Variants in PRKRA observed in about 807,000 individuals in gnomAD.
The protein encoded by PRKRA is interferon-inducible double-stranded RNA-dependent protein kinase activator A.
In PRKRA, 22 loss-of-function variants were observed where a neutral mutation model predicts 32.4. The ratio of observed to expected loss-of-function variants is 0.68; its 90% CI spans 0.49 to 0.97. PRKRA has a LOEUF of 0.97. Among genes scored for constraint, PRKRA ranks in the 50% least tolerant of loss-of-function variants. PRKRA has a pLI of 0.00. For synonymous variants in PRKRA, 139 were observed against 129.8 expected, an observed-to-expected ratio of 1.07 and a Z score of -0.48; for missense variants, 319 against 375.6, an observed-to-expected ratio of 0.85 and a Z score of 1.25.
At chr2:178,441,467 A>C in intron 6 of PRKRA, 143 bp downstream of exon 6, 1 of 699,822 alleles carries the variant, frequency 1.4e-6, no homozygotes, top group Non-Finnish European at 2.4e-6. Flanking sequence ...AGCAGCTAAA[A>C]ATGGGGTAGG....
intron 6 of PRKRA, among the ~76,000 whole-genome samples, chr2:178,438,488 C>T (rs1414654792): frequency 1.3e-5 from 2 of 152,128 alleles, no homozygotes; most frequent in African/African-American, 4.8e-5. Context: ...ATTCTCTATT[C>T]GCTCCTCTGA....
chr2:178,434,314 T>C (rs753984474), intron 7 of PRKRA, among the ~76,000 whole-genome samples: 1 of 152,104 alleles, frequency 6.6e-6, no homozygotes, highest in Non-Finnish European at 1.5e-5. Context: ...TTTCACCGTG[T>C]TGGTCAGGCT....
chr2:178,444,545 G>T, intron 3 of PRKRA, 45 bp from the exon 4 acceptor site: 1 of 892,096 alleles, frequency 1.1e-6, no homozygotes, highest in South Asian at 1.6e-5. Context: ...AATTTCCCCC[G>T]AATTATGAAA....
intron 2 of PRKRA, among the ~76,000 whole-genome samples, chr2:178,448,070 A>G (rs537819664): frequency 3.9e-4 from 59 of 152,330 alleles, no homozygotes; most frequent in African/African-American, 1.3e-3. Flanking sequence ...CCTGTCCTAT[A>G]ACGTATCAAA....
chr2:178,438,492 CCT>C (rs951652767), intron 6 of PRKRA, among the ~76,000 whole-genome samples: 3 of 152,156 alleles, frequency 2.0e-5, no homozygotes, highest in African/African-American at 4.8e-5. Flanking sequence ...TCTATTCGCT[CCT>C]CTGACTATTC....
chr2:178,433,379 T>C (rs1376198584), intron 7 of PRKRA: 1 of 152,218 alleles, frequency 6.6e-6, no homozygotes, highest in Admixed American at 6.5e-5. Flanking sequence ...TTTATACTCC[T>C]AGGAGTGGAG....
chr2:178,450,700 A>T (rs1697565526), intron 1 of PRKRA: 1 of 1,407,258 alleles, frequency 7.1e-7, no homozygotes, highest in African/African-American at 1.4e-5. Flanking sequence ...CCTCTCAGGG[A>T]AAACCTGACG....
chr2:178,441,059 T>C (rs1697094316), intron 6 of PRKRA, among the ~76,000 whole-genome samples: 1 of 152,216 alleles, frequency 6.6e-6, no homozygotes, highest in South Asian at 2.1e-4. Context: ...TTTTCCCCCA[T>C]TCTACAGGTC....
chr2:178,439,859 G>A (rs1697046790), intron 6 of PRKRA: 1 of 152,002 alleles, frequency 6.6e-6, no homozygotes, highest in Non-Finnish European at 1.5e-5. Flanking sequence ...TATTAACCTT[G>A]AAATAGTCTT....
chr2:178,450,636 T>TATTCAA, intron 1 of PRKRA: 1 of 1,447,752 alleles, frequency 6.9e-7, no homozygotes, highest in African/African-American at 1.4e-5. Context: ...AGAGAGCACT[T>TATTCAA]GAATGCGGGT....
chr2:178,432,691 G>A (rs1696716039), intron 7 of PRKRA, among the ~76,000 whole-genome samples: 1 of 152,144 alleles, frequency 6.6e-6, no homozygotes, highest in Non-Finnish European at 1.5e-5. Flanking sequence ...TTTTCCACTA[G>A]GAAGTCATTT....
chr2:178,437,647 T>C (rs1696953225), intron 6 of PRKRA, among the ~76,000 whole-genome samples: 1 of 152,206 alleles, frequency 6.6e-6, no homozygotes, highest in South Asian at 2.1e-4. Flanking sequence ...ACTTCCAAAC[T>C]GATTTCTGAA....
chr2:178,450,901 C>A, intron 1 of PRKRA, 65 bp downstream of exon 1: 1 of 1,229,782 alleles, frequency 8.1e-7, no homozygotes, highest in Non-Finnish European at 1.0e-6. Flanking sequence ...AGGGCCGGCT[C>A]CCCGCGCCCC....
intron 2 of PRKRA, among the ~76,000 whole-genome samples, chr2:178,448,176 C>T (rs900002001): frequency 4.1e-4 from 62 of 152,254 alleles, no homozygotes; most frequent in African/African-American, 1.4e-3. Context: ...ATCTTCTGGA[C>T]GGTCTGTATC....
At chr2:178,439,008 C>A (rs980475760) in intron 6 of PRKRA, 3 of 152,118 alleles carry the variant, frequency 2.0e-5, no homozygotes, top group African/African-American at 7.2e-5. Context: ...TTGAGTGAGA[C>A]CACATTACAT....
At chr2:178,442,804 T>C (rs532963674) in intron 5 of PRKRA, among the ~76,000 whole-genome samples, 1 of 152,376 alleles carries the variant, frequency 6.6e-6, no homozygotes, top group Admixed American at 6.5e-5. Flanking sequence ...CTTTATAACA[T>C]AGAAGTTGCT....
chr2:178,446,211 T>C (rs1575097813), intron 3 of PRKRA, among the ~76,000 whole-genome samples: 1 of 151,156 alleles, frequency 6.6e-6, no homozygotes, highest in East Asian at 2.0e-4. Flanking sequence ...GACAGGGTTT[T>C]GCCATGTTGG....
chr2:178,444,747 A>T (rs543078967), intron 3 of PRKRA, among the ~76,000 whole-genome samples: 1 of 152,282 alleles, frequency 6.6e-6, no homozygotes, highest in Admixed American at 6.5e-5. Flanking sequence ...TCTTTGAAAC[A>T]TTATAACACA....
rs777219722 is a variant in PRKRA, at chr2:178,436,134, A to G, written c.784+11T>C. 1 of 792,716 alleles carries G rather than the reference A, an allele frequency of 1.3e-6. No individual in the cohort carries two copies. Among genetic ancestry groups the G allele is most frequent in the Admixed American group, 3.7e-5 (1 of 27,152 alleles). 49.1% of individuals were successfully genotyped at this position (792,716 alleles called of 1,614,324 possible). Reference sequence around the variant, plus strand: ...CATGTCTTGGGAAAGCCAAAGAAAAAAAAATCATACCTATATCCAAATATG... The same window carrying G: ...CATGTCTTGGGAAAGCCAAAGAAAAGAAAATCATACCTATATCCAAATATG... On this transcript the variant is annotated intron_variant, in intron 7 of 7. Coordinates refer to ENST00000325748, the MANE Select transcript of PRKRA (RefSeq NM_003690.5).
Sources: allele counts gnomAD v4.1 joint callset (sites outside exome capture counted in the v4.1 genomes callset), GRCh38; gene constraint gnomAD v4.1.1; transcripts MANE v1.5; gene names NCBI Gene and HGNC (gene_info 2026-07-23, HGNC 2026-07-21).